HEATR4: variants seen among roughly 807,000 people sequenced by gnomAD.
HEATR4 encodes HEAT repeat-containing protein 4.
A neutral mutation model predicts 108.8 loss-of-function variants in HEATR4; 95 were observed. The observed-to-expected ratio is 0.87, with a 90% CI of 0.74 to 1.04. The LOEUF is 1.04. HEATR4 is among the 50% of genes least tolerant of loss of function. The pLI is 0.00. For missense variants in HEATR4, 1,152 were observed against 1,253.8 expected, an observed-to-expected ratio of 0.92 and a Z score of 1.23; for synonymous variants, 443 against 459.4, an observed-to-expected ratio of 0.96 and a Z score of 0.46.
intron 2 of HEATR4, among the ~76,000 whole-genome samples, chr14:73,526,687 C>T (rs576074098): frequency 3.5e-4 from 53 of 152,320 alleles, no homozygotes; most frequent in African/African-American, 9.9e-4. Context: ...ACCTACCCTG[C>T]GCCAGAAGGG....
intron 2 of HEATR4, among the ~76,000 whole-genome samples, chr14:73,524,310 A>AAAAAAATATATATATATATAT: frequency 1.8e-5 from 1 of 54,780 alleles, no homozygotes; most frequent in African/African-American, 8.8e-5. Context: ...AAAAAAAAAA[A>AAAAAAATATATATATATATAT]ATATATATAT....
At chr14:73,488,914 T>C (rs1316315787) in intron 17 of HEATR4, among the ~76,000 whole-genome samples, 4 of 148,942 alleles carry the variant, frequency 2.7e-5, no homozygotes, top group African/African-American at 9.7e-5. Context: ...CCCAGCTACC[T>C]GGGAGGCTGA....
the HEATR4 span, among the ~76,000 whole-genome samples, chr14:73,603,918 GA>G: frequency 6.6e-6 from 1 of 150,712 alleles, no homozygotes; most frequent in Non-Finnish European, 1.5e-5. Flanking sequence ...ATTTTTAGTA[GA>G]GACAGGGTTT....
Position 73,509,437 on chromosome 14 carries a change from G to A in HEATR4, c.1595C>T (p.Pro532Leu). ...GTCACAAAGAGCAGCCTCTAGGGCA[G>A]GCAGTAGAACCTCCGGCAAGTCCTG... is the stretch of plus-strand genomic sequence containing the variant. Reference protein sequence around the residue: ...TIQDLPEVLLPALEAALCDKN... With the variant: ...TIQDLPEVLLLALEAALCDKN... Residue 532 changes from proline to leucine, a missense_variant, in exon 8 of 18, where the codon CCT becomes CTT. Physicochemically the swap from Pro to Leu is moderately conservative, Grantham distance 98. Coordinates refer to ENST00000553558, the MANE Select transcript of HEATR4 (RefSeq NM_001220484.1). 1 of 1,614,092 alleles carries A rather than the reference G, an allele frequency of 6.2e-7. No homozygotes were observed. Among genetic ancestry groups the A allele is most frequent in the Non-Finnish European group, 8.5e-7 (1 of 1,180,018 alleles).
rs753672008 is a variant in HEATR4, at chr14:73,547,111, G to A, written c.-152+11640C>T. On this transcript the variant is annotated intron_variant, in intron 1 of 17. Coordinates refer to ENST00000553558, the MANE Select transcript of HEATR4 (RefSeq NM_001220484.1). ...CAAAAAAAGAAAAAAGACCCGGTGC[G>A]GTGGCTTACGCCTGTAATCCCAGCC... Among the ~76,000 whole-genome samples the A allele has an allele frequency of 1.9e-5, 2 of 107,298 alleles. 1 individual carries two copies. Among genetic ancestry groups the A allele is most frequent in the Non-Finnish European group, 4.1e-5 (2 of 49,178 alleles). 70.4% of individuals were successfully genotyped at this position (107,298 alleles called of 152,430 possible).
the HEATR4 span, among the ~76,000 whole-genome samples, chr14:73,632,429 AG>A: frequency 9.4e-6 from 1 of 106,584 alleles, no homozygotes; most frequent in African/African-American, 2.7e-5. Context: ...GTTTCCTTCC[AG>A]AACCATTCCA....
Position 73,478,732 on chromosome 14 carries a change from C to T in HEATR4, c.2955G>A (p.Glu985=), listed in dbSNP as rs377226467. ...SLVKDLRTSP[E]KRIAVGPFRS... ...TAAATGGTCCCACAGCAATCCTTTT[C>T]TCGGGGGAGGTGCGTAGATCTTTGA... The change falls in exon 18 of 18, where the codon GAG becomes GAA. Residue 985 remains glutamate (E), a synonymous_variant. Coordinates refer to ENST00000553558, the MANE Select transcript of HEATR4 (RefSeq NM_001220484.1). 1.2e-6 allele frequency: 2 copies of T among 1,613,972 alleles called. No homozygotes were observed. The highest frequency in any genetic ancestry group is 2.7e-5 in the African/African-American group (2 of 74,998).
At chr14:73,524,475 T>A (rs376442963) in intron 2 of HEATR4, among the ~76,000 whole-genome samples, 84 of 151,220 alleles carry the variant, frequency 5.6e-4, no homozygotes, top group African/African-American at 9.0e-4. Context: ...AGTTTAGTTT[T>A]GTTTTGTTTT....
chr14:73,528,158 GCTGAGGTGGGCAGATCAC>G, intron 2 of HEATR4, among the ~76,000 whole-genome samples: 1 of 152,054 alleles, frequency 6.6e-6, no homozygotes, highest in Non-Finnish European at 1.5e-5. Flanking sequence ...ACTTTGGGAG[GCTGAGGTGGGCAGATCAC>G]CTGAGGTCAG....
chr14:73,618,195 T>C, the HEATR4 span, among the ~76,000 whole-genome samples: 9,677 of 152,144 alleles, frequency 0.064, 431 homozygotes, highest in East Asian at 0.19. Flanking sequence ...TAATTAAAAA[T>C]GGAATTATAT....
the HEATR4 span, among the ~76,000 whole-genome samples, chr14:73,570,948 TCTTA>T: frequency 1.3e-5 from 2 of 150,700 alleles, no homozygotes; most frequent in South Asian, 2.1e-4. Flanking sequence ...TTTTTAATGT[TCTTA>T]TTTATGTATT....
In HEATR4 at chr14:73,478,527, T is replaced by G; in HGVS notation, c.*79A>C. 1 of 873,870 alleles carries G rather than the reference T, an allele frequency of 1.1e-6. No homozygotes were observed. Among genetic ancestry groups the G allele is most frequent in the Non-Finnish European group, 1.9e-6 (1 of 537,120 alleles). 54.1% of individuals were successfully genotyped at this position (873,870 alleles called of 1,614,324 possible). On this transcript the variant is annotated 3_prime_UTR_variant, in exon 18 of 18. Coordinates refer to ENST00000553558, the MANE Select transcript of HEATR4 (RefSeq NM_001220484.1). ...CTTTATAAACATAGTGACAACAAGA[T>G]TGTACAGTATCAATTAAAAAGACCC...
chr14:73,563,876 C>T (rs1392352668), upstream of HEATR4, among the ~76,000 whole-genome samples: 8 of 151,862 alleles, frequency 5.3e-5, no homozygotes, highest in Admixed American at 2.6e-4. Flanking sequence ...GAAGATGAGG[C>T]GGTAGGGTCA....
At chr14:73,545,035 A>T (rs1889210867) in intron 1 of HEATR4, among the ~76,000 whole-genome samples, 1 of 114,342 alleles carries the variant, frequency 8.7e-6, no homozygotes, top group Non-Finnish European at 1.9e-5. Context: ...AAGAAAAAAA[A>T]AACCTTAATT....
At chr14:73,620,624 A>G in the HEATR4 span, among the ~76,000 whole-genome samples, 2 of 151,708 alleles carry the variant, frequency 1.3e-5, no homozygotes, top group Non-Finnish European at 2.9e-5. Flanking sequence ...CTGAAGTGCA[A>G]TGGTACGAGC....
At position 73,523,088 on chromosome 14, in the gene HEATR4, C is replaced by T. The variant is rs536060995; in HGVS notation, c.65G>A (p.Arg22Gln). The change falls in exon 3 of 18, where the codon CGA becomes CAA. Residue 22 changes from arginine (R) to glutamine (Q), a missense_variant. Transcript: ENST00000553558. ...PHCFYQSLPPRLGWGMILNYS... is the reference protein window; with the variant it reads ...PHCFYQSLPPQLGWGMILNYS... The stretch of plus-strand genomic sequence containing the variant: ...GTTTAAAATCATGCCCCATCCCAGT[C>T]GTGGGGGCAGTGACTGATAGAAGCA... The T allele has an allele frequency of 3.7e-6, 6 of 1,612,034 alleles. No individual in the cohort carries two copies. The highest frequency in any genetic ancestry group is 2.2e-5 in the South Asian group (2 of 91,058).
the HEATR4 span, among the ~76,000 whole-genome samples, chr14:73,626,599 A>G: frequency 1.3e-5 from 2 of 152,012 alleles, no homozygotes; most frequent in African/African-American, 4.8e-5. Flanking sequence ...AGGCTGAGGA[A>G]GAAGGATCAC....
the HEATR4 span, among the ~76,000 whole-genome samples, chr14:73,576,654 A>G: frequency 6.6e-6 from 1 of 151,222 alleles, no homozygotes; most frequent in Non-Finnish European, 1.5e-5. Context: ...AAATAGCCAG[A>G]CATTGGTGGT....
At chr14:73,575,677 A>G in the HEATR4 span, 23 of 628,754 alleles carry the variant, frequency 3.7e-5, no homozygotes, top group East Asian at 2.4e-4. Flanking sequence ...TAAGATTTTT[A>G]TAAACTGTAT....
Sources: allele counts gnomAD v4.1 joint callset (sites outside exome capture counted in the v4.1 genomes callset), GRCh38; gene constraint gnomAD v4.1.1; transcripts MANE v1.5; gene names NCBI Gene and HGNC (gene_info 2026-07-23, HGNC 2026-07-21).